The following DEPDC5 variants were observed in gnomAD, a reference collection of about 807,000 sequenced individuals.
DEPDC5 encodes GATOR1 complex protein DEPDC5.
In DEPDC5, 73 loss-of-function variants were observed where a neutral mutation model predicts 217.3. That is an observed-to-expected ratio of 0.34 (90% confidence interval 0.28 to 0.41). The LOEUF is 0.41. DEPDC5 is among the 10% of genes least tolerant of loss of function. DEPDC5 has a pLI of 1.00. For missense variants in DEPDC5, 1,675 were observed against 2,070.1 expected, an observed-to-expected ratio of 0.81 and a Z score of 3.70; for synonymous variants, 733 against 756.7, an observed-to-expected ratio of 0.97 and a Z score of 0.51.
intron 24 of DEPDC5, among the ~76,000 whole-genome samples, chr22:31,823,550 A>C (rs1055783729): frequency 6.0e-5 from 9 of 150,374 alleles, no homozygotes; most frequent in South Asian, 4.2e-4. Context: ...AAAAAAAAAA[A>C]AAAAGAGAAG....
At chr22:31,857,591 T>C in intron 32 of DEPDC5, 38 bp downstream of exon 32, 10 of 1,532,726 alleles carry the variant, frequency 6.5e-6, no homozygotes, top group Non-Finnish European at 8.9e-6. Context: ...TGTTCTGTGC[T>C]CTCAGAGACT....
rs1205295220 is a variant in DEPDC5 at position 31,803,572 on chromosome 22, GT to G, written c.1082-589del. Among the ~76,000 whole-genome samples the G allele has an allele frequency of 3.7e-4, 56 of 152,092 alleles. No individual in the cohort carries two copies. In the East Asian group the frequency reaches 9.3e-3, roughly 25 times the overall value. ...TCTAGTCCAGTCCTTCCTCCATGAT[GT>G]GCCTCGTATCCCCAACTCAGCCCCA... On this transcript the variant is annotated intron_variant, in intron 15 of 42. Transcript: ENST00000651528.
intron 24 of DEPDC5, among the ~76,000 whole-genome samples, chr22:31,831,610 A>G (rs12485200): frequency 3.2e-3 from 481 of 152,018 alleles, no homozygotes; most frequent in Non-Finnish European, 5.1e-3. Context: ...ATAGGTGCCC[A>G]CCACCATGCC....
intron 40 of DEPDC5, among the ~76,000 whole-genome samples, chr22:31,899,816 G>A (rs1436879861): frequency 6.6e-6 from 1 of 152,062 alleles, no homozygotes; most frequent in East Asian, 1.9e-4. Context: ...TACCACCCCA[G>A]GCCTCAGCAC....
intron 7 of DEPDC5, among the ~76,000 whole-genome samples, chr22:31,774,749 G>A (rs993160492): frequency 1.4e-4 from 22 of 152,144 alleles, no homozygotes; most frequent in African/African-American, 5.3e-4. Context: ...AGTCTGAGGT[G>A]GGAGAATCGC....
chr22:31,875,678 G>A (rs1303409974), intron 36 of DEPDC5: 4 of 142,976 alleles, frequency 2.8e-5, no homozygotes, highest in African/African-American at 1.1e-4. Context: ...CGTCGCCTAG[G>A]CTGGAGTGCA....
intron 33 of DEPDC5, among the ~76,000 whole-genome samples, chr22:31,862,494 G>A (rs913022456): frequency 7.2e-5 from 11 of 152,146 alleles, no homozygotes; most frequent in African/African-American, 2.7e-4. Context: ...GAACCCAGGA[G>A]GCAGAGGTTG....
chr22:31,843,646 T>C lies in DEPDC5; in HGVS notation c.2635T>C (p.Tyr879His). The C allele has an allele frequency of 6.3e-7, 1 of 1,592,108 alleles. No homozygotes were observed. The change falls in exon 29 of 43, where the codon TAT becomes CAT. Residue 879 changes from tyrosine (Y) to histidine (H), a missense_variant and splice_region_variant. Tyr to His is a moderately conservative substitution (Grantham distance 83). Transcript: ENST00000651528. Reference sequence around the variant, plus strand: ...GGGGACCTGCCCTTTATTTTGCAGGTATCCTTATGAATCTGCCCAGATCCA... The same window carrying C: ...GGGGACCTGCCCTTTATTTTGCAGGCATCCTTATGAATCTGCCCAGATCCA... ...MITVTRYLPK[Y>H]PYESAQIHYT...
At chr22:31,863,806 C>T (rs939361711) in intron 33 of DEPDC5, among the ~76,000 whole-genome samples, 1 of 151,606 alleles carries the variant, frequency 6.6e-6, no homozygotes, top group Non-Finnish European at 1.5e-5. Context: ...GCCTGTAGTC[C>T]CAGTTACTTG....
chr22:31,904,708 C>T (rs2093725991), intron 41 of DEPDC5, among the ~76,000 whole-genome samples: 1 of 152,200 alleles, frequency 6.6e-6, no homozygotes, highest in African/African-American at 2.4e-5. Context: ...TGTACCACTG[C>T]AGTCCAGCCT....
chr22:31,755,316 T>G, intron 2 of DEPDC5: 2 of 345,214 alleles, frequency 5.8e-6, no homozygotes, highest in South Asian at 6.2e-5. Context: ...TTTATCAGTT[T>G]TTACATTGAG....
chr22:31,865,917 G>A (rs2092675917), intron 33 of DEPDC5, among the ~76,000 whole-genome samples: 1 of 152,226 alleles, frequency 6.6e-6, no homozygotes, highest in Non-Finnish European at 1.5e-5. Context: ...GGAGCTGAGT[G>A]ACTGGAAAGC....
chr22:31,798,404 G>A (rs1285020963), intron 13 of DEPDC5, among the ~76,000 whole-genome samples, 178 bp from the exon 14 acceptor site: 1 of 152,122 alleles, frequency 6.6e-6, no homozygotes, highest in Non-Finnish European at 1.5e-5. Flanking sequence ...TGTAGTCCCA[G>A]CTACTCGGGA....
At chr22:31,797,970 G>A (rs1007461711) in intron 13 of DEPDC5, among the ~76,000 whole-genome samples, 2 of 151,482 alleles carry the variant, frequency 1.3e-5, no homozygotes, top group African/African-American at 4.9e-5. Context: ...TGTCACCCAG[G>A]CTGGACTGGA....
chr22:31,790,520 A>C (rs1205067284), intron 10 of DEPDC5, among the ~76,000 whole-genome samples: 1 of 152,124 alleles, frequency 6.6e-6, no homozygotes, highest in African/African-American at 2.4e-5. Context: ...AGCAAACCCC[A>C]CCCTCATCCT....
intron 24 of DEPDC5, among the ~76,000 whole-genome samples, chr22:31,832,928 A>T (rs2090712326): frequency 6.6e-6 from 1 of 152,230 alleles, no homozygotes; most frequent in Non-Finnish European, 1.5e-5. Context: ...AAAATATTCA[A>T]ATGACCCAGA....
chr22:31,815,744 T>C, intron 21 of DEPDC5: 1 of 1,014,604 alleles, frequency 9.9e-7, no homozygotes, highest in Non-Finnish European at 1.3e-6. Context: ...ATTCCCAGGC[T>C]GGTCTTGAAC....
chr22:31,831,510 T>G (rs2090592031), intron 24 of DEPDC5, among the ~76,000 whole-genome samples: 1 of 152,144 alleles, frequency 6.6e-6, no homozygotes, highest in African/African-American at 2.4e-5. Context: ...CAGGCTGGAG[T>G]GCAGTGGTGT....
chr22:31,874,461 G>A, intron 36 of DEPDC5, 56 bp downstream of exon 36: 1 of 1,544,650 alleles, frequency 6.5e-7, no homozygotes, highest in South Asian at 1.2e-5. Flanking sequence ...AAAAATCAGG[G>A]CCTGCCTTAG....
Sources: allele counts gnomAD v4.1 joint callset (sites outside exome capture counted in the v4.1 genomes callset), GRCh38; gene constraint gnomAD v4.1.1; transcripts MANE v1.5; gene names NCBI Gene and HGNC (gene_info 2026-07-23, HGNC 2026-07-21).